PARD3: variants seen among roughly 807,000 people sequenced by gnomAD.
PARD3 encodes the protein partitioning defective 3 homolog.
PARD3 carries 75 observed loss-of-function variants against 155.4 expected under a neutral mutation model. The observed-to-expected ratio is 0.48, with a 90% CI of 0.40 to 0.58. The LOEUF (loss-of-function observed/expected upper bound fraction) is 0.58, where lower values mean the gene tolerates loss of function less well. Among genes scored for constraint, PARD3 ranks in the 20% least tolerant of loss-of-function variants. PARD3 has a pLI of 0.00. For synonymous variants in PARD3, 576 were observed against 610.5 expected, an observed-to-expected ratio of 0.94 and a Z score of 0.83; for missense variants, 1,642 against 1,721.7, an observed-to-expected ratio of 0.95 and a Z score of 0.82.
At chr10:34,745,424 G>A (rs1176773798) in intron 1 of PARD3, among the ~76,000 whole-genome samples, 1 of 150,676 alleles carries the variant, frequency 6.6e-6, no homozygotes, top group Non-Finnish European at 1.5e-5. Context: ...GGGAGGAAGG[G>A]AGGGAGGGAA....
intron 2 of PARD3, among the ~76,000 whole-genome samples, chr10:34,610,801 T>A (rs1038119045): frequency 4.0e-4 from 61 of 152,302 alleles, no homozygotes; most frequent in African/African-American, 1.4e-3. Context: ...TTATAAAGTT[T>A]GATATGCAAT....
At chr10:34,732,933 G>A (rs61843473) in intron 1 of PARD3, among the ~76,000 whole-genome samples, 1,732 of 152,178 alleles carry the variant, frequency 0.011, 29 homozygotes, top group African/African-American at 0.038. Flanking sequence ...GACAGCCATC[G>A]GGCACCAGGC....
chr10:34,438,456 T>C (rs756910535), intron 5 of PARD3, among the ~76,000 whole-genome samples: 3 of 152,188 alleles, frequency 2.0e-5, no homozygotes, highest in African/African-American at 4.8e-5. Flanking sequence ...TATTTACCTA[T>C]AATCTACAGT....
At chr10:34,574,512 A>T (rs530384595) in intron 2 of PARD3, among the ~76,000 whole-genome samples, 10 of 152,338 alleles carry the variant, frequency 6.6e-5, no homozygotes, top group Admixed American at 5.9e-4. Flanking sequence ...GACATATGCA[A>T]AATCCAAAGT....
intron 5 of PARD3, among the ~76,000 whole-genome samples, chr10:34,425,519 C>A (rs894103013): frequency 2.6e-5 from 4 of 152,220 alleles, no homozygotes; most frequent in African/African-American, 7.2e-5. Flanking sequence ...CTTCAGCCTT[C>A]CTAGCAGCTG....
intron 18 of PARD3, among the ~76,000 whole-genome samples, chr10:34,335,299 T>A (rs189083090): frequency 1.3e-5 from 2 of 152,138 alleles, no homozygotes; most frequent in East Asian, 3.9e-4. Context: ...CATATATATA[T>A]GTGGGATACA....
chr10:34,433,557 TC>T (rs2076049977), intron 5 of PARD3, among the ~76,000 whole-genome samples: 1 of 152,016 alleles, frequency 6.6e-6, no homozygotes, highest in Admixed American at 6.6e-5. Flanking sequence ...GGAAAATTAG[TC>T]CCCCAAGGGA....
chr10:34,505,162 T>C (rs1227620389), intron 3 of PARD3, among the ~76,000 whole-genome samples: 1 of 152,244 alleles, frequency 6.6e-6, no homozygotes, highest in East Asian at 1.9e-4. Flanking sequence ...ATGGGATTTC[T>C]TGCTTTGATT....
At chr10:34,383,390 TACAC>T (rs3040371) in intron 8 of PARD3, among the ~76,000 whole-genome samples, 4 of 150,146 alleles carry the variant, frequency 2.7e-5, no homozygotes, top group Admixed American at 6.7e-5. Flanking sequence ...ATTTTTAAAA[TACAC>T]ACACACACAC....
intron 20 of PARD3, among the ~76,000 whole-genome samples, chr10:34,316,890 C>T (rs1196908781): frequency 6.6e-6 from 1 of 151,744 alleles, no homozygotes; most frequent in Non-Finnish European, 1.5e-5. Context: ...GCTTTCAGTG[C>T]TTTTATTTAT....
In PARD3 at chr10:34,131,502, T is replaced by C; in HGVS notation, c.3501A>G (p.Val1167=). ...AACTATAGGTCCGCCGACGATCTTC[T>C]ACATCTTCATCTTGCTTTGCTTGCT... is the stretch of plus-strand genomic sequence containing the variant. The part of the protein sequence containing the change: ...EFQQAKQDED[V]EDRRRTYSFE... Residue 1167 remains valine (V), a synonymous_variant, in exon 23 of 25, where the codon GTA becomes GTG. Coordinates refer to ENST00000374788, the MANE Select transcript of PARD3 (RefSeq NM_001184785.2). 1.2e-6 allele frequency: 2 copies of C among 1,614,140 alleles called. No homozygotes were observed. Among genetic ancestry groups the C allele is most frequent in the Non-Finnish European group, 1.7e-6 (2 of 1,179,972 alleles).
At chr10:34,597,360 A>G (rs1175006017) in intron 2 of PARD3, among the ~76,000 whole-genome samples, 1 of 151,540 alleles carries the variant, frequency 6.6e-6, no homozygotes, top group Non-Finnish European at 1.5e-5. Context: ...TTGGCTTTCA[A>G]TCATCACCAA....
chr10:34,565,480 T>C, intron 2 of PARD3, among the ~76,000 whole-genome samples: 1 of 151,946 alleles, frequency 6.6e-6, no homozygotes, highest in East Asian at 1.9e-4. Flanking sequence ...TTGGCCATAC[T>C]GGTCTCGAAC....
intron 21 of PARD3, among the ~76,000 whole-genome samples, chr10:34,276,247 T>TA (rs5784404): frequency 6.6e-6 from 1 of 150,904 alleles, no homozygotes; most frequent in African/African-American, 2.4e-5. Context: ...TTCCTTTTTG[T>TA]AAAAAAAAAA....
chr10:34,623,367 C>G (rs917332731), intron 2 of PARD3, among the ~76,000 whole-genome samples: 5 of 152,132 alleles, frequency 3.3e-5, no homozygotes, highest in African/African-American at 1.2e-4. Context: ...ACTACTACAC[C>G]AAAATGGGAA....
chr10:34,574,508 T>C (rs1476109630), intron 2 of PARD3, among the ~76,000 whole-genome samples: 1 of 152,208 alleles, frequency 6.6e-6, no homozygotes, highest in Non-Finnish European at 1.5e-5. Flanking sequence ...CAAAGACATA[T>C]GCAAAATCCA....
At chr10:34,557,363 A>T (rs1355128418) in intron 2 of PARD3, among the ~76,000 whole-genome samples, 4 of 152,096 alleles carry the variant, frequency 2.6e-5, no homozygotes, top group Non-Finnish European at 4.4e-5. Flanking sequence ...GAAAATACAA[A>T]AGAGCCAGGG....
At chr10:34,327,548 G>A (rs1390718450) in intron 19 of PARD3, among the ~76,000 whole-genome samples, 1 of 152,140 alleles carries the variant, frequency 6.6e-6, no homozygotes. Context: ...CCATGCCTAC[G>A]CCTATGTGTC....
At chr10:34,186,304 G>A (rs553404784) in intron 22 of PARD3, among the ~76,000 whole-genome samples, 230 of 151,318 alleles carry the variant, frequency 1.5e-3, no homozygotes, top group Non-Finnish European at 2.7e-3. Context: ...AGGCTGTAGC[G>A]GGCTATGATT....
Sources: allele counts gnomAD v4.1 joint callset (sites outside exome capture counted in the v4.1 genomes callset), GRCh38; gene constraint gnomAD v4.1.1; transcripts MANE v1.5; gene names NCBI Gene and HGNC (gene_info 2026-07-23, HGNC 2026-07-21).